The following MAN1C1 variants were observed in gnomAD, a reference collection of about 807,000 sequenced individuals.
MAN1C1 encodes mannosidase alpha class 1C member 1, also known as mannosyl-oligosaccharide 1,2-alpha-mannosidase IC.
In MAN1C1, 49 loss-of-function variants were observed where a neutral mutation model predicts 71.5. The observed-to-expected ratio is 0.69, with a 90% CI of 0.54 to 0.87. MAN1C1 has a LOEUF of 0.87. MAN1C1 is among the 40% of genes least tolerant of loss of function. The probability of loss-of-function intolerance (pLI) is 0.00; values close to 1 mark genes in which losing one functional copy is unlikely to be tolerated. For synonymous variants in MAN1C1, 352 were observed against 343.7 expected (o/e 1.02, Z -0.27); for missense variants, 743 against 835.0 (o/e 0.89, Z 1.36).
chr1:25,783,642 C>T (rs768786168), intron 11 of MAN1C1, 21 bp from the exon 12 acceptor site: 2 of 1,609,268 alleles, frequency 1.2e-6, no homozygotes, highest in Non-Finnish European at 1.7e-6. Context: ...GTCTTGCTTC[C>T]CTGCCCTGCG....
At chr1:25,702,352 T>G (rs371860429) in intron 2 of MAN1C1, among the ~76,000 whole-genome samples, 1 of 152,082 alleles carries the variant, frequency 6.6e-6, no homozygotes, top group East Asian at 1.9e-4. Context: ...GATCCAGATG[T>G]AAGTACAAAA....
intron 1 of MAN1C1, among the ~76,000 whole-genome samples, chr1:25,679,950 A>AAATATAT (rs1285307256): frequency 1.7e-5 from 2 of 117,262 alleles, no homozygotes; most frequent in African/African-American, 7.6e-5. Flanking sequence ...AAAAAAAAAA[A>AAATATAT]ATATATATAT....
intron 2 of MAN1C1, among the ~76,000 whole-genome samples, chr1:25,731,092 A>C (rs530217106): frequency 6.6e-6 from 1 of 152,226 alleles, no homozygotes; most frequent in African/African-American, 2.4e-5. Flanking sequence ...CGAGGTGGAC[A>C]GACCGCCTGA....
chr1:25,669,109 C>T (rs548334312), intron 1 of MAN1C1, among the ~76,000 whole-genome samples: 1 of 152,316 alleles, frequency 6.6e-6, no homozygotes, highest in Non-Finnish European at 1.5e-5. Context: ...CTGTCATGGG[C>T]CGTGGGTTCA....
chr1:25,773,255 G>A (rs1572212007), intron 8 of MAN1C1, among the ~76,000 whole-genome samples: 1 of 151,964 alleles, frequency 6.6e-6, no homozygotes, highest in African/African-American at 2.4e-5. Context: ...AGGGAAGGAT[G>A]GATGGGTGAG....
At chr1:25,656,095 CTTTTTTTTT>C (rs59710145) in intron 1 of MAN1C1, among the ~76,000 whole-genome samples, 2 of 74,988 alleles carry the variant, frequency 2.7e-5, no homozygotes, top group Non-Finnish European at 4.4e-5. Context: ...GATTATCAGT[CTTTTTTTTT>C]TTTTTTTTTT....
At chr1:25,733,123 T>C (rs1572181399) in intron 2 of MAN1C1, among the ~76,000 whole-genome samples, 1 of 152,256 alleles carries the variant, frequency 6.6e-6, no homozygotes, top group East Asian at 1.9e-4. Flanking sequence ...CCTGGACTGG[T>C]AAACAGCTAC....
In MAN1C1 at chr1:25,729,088, G is replaced by A. The variant is rs557981335; in HGVS notation, c.638-17580G>A. Among the ~76,000 whole-genome samples, 28 of 152,326 alleles carry A rather than the reference G, an allele frequency of 1.8e-4. No individual in the cohort carries two copies. The South Asian group carries it at 3.5e-3, about 19-fold the overall frequency. On this transcript the variant is annotated intron_variant, in intron 2 of 11. Coordinates refer to ENST00000374332, the MANE Select transcript of MAN1C1 (RefSeq NM_020379.4). Reference sequence around the variant, plus strand: ...GCCCAGCCCTGAGACACCCCTCTGTGGCTCCTCATGGCCCTCAACATAGAG... The same window carrying A: ...GCCCAGCCCTGAGACACCCCTCTGTAGCTCCTCATGGCCCTCAACATAGAG...
At chr1:25,620,801 C>T (rs938843641) in intron 1 of MAN1C1, among the ~76,000 whole-genome samples, 1 of 152,190 alleles carries the variant, frequency 6.6e-6, no homozygotes, top group Admixed American at 6.5e-5. Context: ...CACTTGGACT[C>T]TAGATCAATA....
chr1:25,681,331 C>T (rs1446314242), intron 1 of MAN1C1, among the ~76,000 whole-genome samples: 1 of 152,138 alleles, frequency 6.6e-6, no homozygotes, highest in East Asian at 1.9e-4. Context: ...AAACCAGGTG[C>T]AGGCTTCCAA....
intron 1 of MAN1C1, among the ~76,000 whole-genome samples, chr1:25,675,701 T>C (rs934966680): frequency 1.3e-5 from 2 of 152,130 alleles, no homozygotes; most frequent in Admixed American, 1.3e-4. Context: ...TAACTTATAT[T>C]CCCACCAGCA....
chr1:25,704,115 CAGTCCCGCAGTG>C (rs1238379990), intron 2 of MAN1C1, among the ~76,000 whole-genome samples: 6 of 152,208 alleles, frequency 3.9e-5, no homozygotes, highest in African/African-American at 1.4e-4. Context: ...GCCAGGAAAG[CAGTCCCGCAGTG>C]TTTCAGGCCC....
chr1:25,644,678 C>G (rs1450189306), intron 1 of MAN1C1: 1 of 151,336 alleles, frequency 6.6e-6, no homozygotes, highest in African/African-American at 2.4e-5. Context: ...GCCACCAACA[C>G]CCAGCTAATT....
At chr1:25,771,367 AG>A in intron 7 of MAN1C1, among the ~76,000 whole-genome samples, 1 of 152,368 alleles carries the variant, frequency 6.6e-6, no homozygotes, top group Non-Finnish European at 1.5e-5. Flanking sequence ...TAATAACCAG[AG>A]GCCCTGCCGT....
chr1:25,684,380 G>A (rs190051898), intron 1 of MAN1C1, among the ~76,000 whole-genome samples: 22 of 152,358 alleles, frequency 1.4e-4, no homozygotes, highest in Admixed American at 4.6e-4. Context: ...GCCCTTGGCT[G>A]TGTTACCATG....
intron 1 of MAN1C1, among the ~76,000 whole-genome samples, chr1:25,622,338 C>CAGAA (rs1304927894): frequency 6.6e-6 from 1 of 152,218 alleles, no homozygotes; most frequent in East Asian, 1.9e-4. Context: ...TTAGGGGACC[C>CAGAA]TTCTCTCTTC....
intron 2 of MAN1C1, among the ~76,000 whole-genome samples, chr1:25,702,100 A>C (rs150200910): frequency 1.2e-4 from 18 of 152,318 alleles, no homozygotes; most frequent in African/African-American, 3.4e-4. Flanking sequence ...CAAATTAGTT[A>C]GTTACATCCC....
chr1:25,644,123 TAA>T (rs1161720634), intron 1 of MAN1C1, among the ~76,000 whole-genome samples: 1 of 151,904 alleles, frequency 6.6e-6, no homozygotes, highest in African/African-American at 2.4e-5. Flanking sequence ...AGATGCTAGA[TAA>T]AGGTGTGAGC....
intron 2 of MAN1C1, among the ~76,000 whole-genome samples, chr1:25,699,331 G>A (rs1370684169): frequency 6.6e-6 from 1 of 151,494 alleles, no homozygotes; most frequent in Non-Finnish European, 1.5e-5. Flanking sequence ...AGAAGAAGAA[G>A]AAGAAGCATG....
Sources: gnomAD v4.1 joint callset for allele counts (sites outside exome capture counted in the v4.1 genomes callset) on GRCh38, gnomAD v4.1.1 for gene constraint, MANE v1.5 for transcripts, NCBI Gene and HGNC (gene_info 2026-07-23, HGNC 2026-07-21) for gene names.